ADCY7: variants seen among roughly 807,000 people sequenced by gnomAD.
ADCY7 encodes adenylate cyclase 7.
ADCY7 carries 72 observed loss-of-function variants against 120.6 expected under a neutral mutation model. That is an observed-to-expected ratio of 0.60 (90% CI 0.49 to 0.73). The LOEUF (loss-of-function observed/expected upper bound fraction) is 0.73, where lower values mean the gene tolerates loss of function less well. Ranked by LOEUF, ADCY7 falls within the 30% of genes least tolerant of loss-of-function variation. The probability of loss-of-function intolerance (pLI) is 0.00; values close to 1 mark genes in which losing one functional copy is unlikely to be tolerated. For synonymous variants in ADCY7, 661 were observed against 628.0 expected, an observed-to-expected ratio of 1.05 and a Z score of -0.78; for missense variants, 1,227 against 1,486.0, an observed-to-expected ratio of 0.83 and a Z score of 2.87.
At chr16:50,292,951 C>G (rs577331060) in intron 5 of ADCY7, 126 bp downstream of exon 5, 1 of 1,234,032 alleles carries the variant, frequency 8.1e-7, no homozygotes, top group Non-Finnish European at 1.1e-6. Flanking sequence ...GGTCTCACCT[C>G]GGTGAGTCCT....
chr16:50,249,344 G>T (rs1041822965), intron 1 of ADCY7, among the ~76,000 whole-genome samples: 9 of 152,140 alleles, frequency 5.9e-5, no homozygotes, highest in Non-Finnish European at 1.0e-4. Context: ...GGAGGCTGAG[G>T]CATGAGAATT....
rs959333290 is a variant in ADCY7, at chr16:50,313,234, T to C, written c.2751+198T>C. 5 of 572,818 alleles carry C rather than the reference T, an allele frequency of 8.7e-6. No homozygotes were observed. In the Admixed American group the frequency reaches 1.3e-4, roughly 15 times the overall value. The allele number at this position is 572,818 out of a possible 1,614,324, so 35.5% of individuals were successfully genotyped here. A position where few individuals can be genotyped will look rare whatever the true frequency, so the allele number is the denominator to read the frequency against. On this transcript the variant is annotated intron_variant, in intron 22 of 25. Transcript: ENST00000673801. Reference sequence around the variant, plus strand: ...GAGTTCGAGACCAGCCTGGCCAACATGGCGAAACCCTGTCTCTACTGAAAA... The same window carrying C: ...GAGTTCGAGACCAGCCTGGCCAACACGGCGAAACCCTGTCTCTACTGAAAA...
At chr16:50,280,388 A>AG (rs398039602) in intron 1 of ADCY7, among the ~76,000 whole-genome samples, 5 of 150,214 alleles carry the variant, frequency 3.3e-5, no homozygotes, top group Non-Finnish European at 7.4e-5. Flanking sequence ...AAAAAAAAAA[A>AG]CAACTCCTGG....
intron 1 of ADCY7, among the ~76,000 whole-genome samples, chr16:50,272,106 C>T (rs1384365570): frequency 6.6e-6 from 1 of 151,930 alleles, no homozygotes; most frequent in African/African-American, 2.4e-5. Context: ...TTCTTGCCTC[C>T]TCCCAGGGTA....
chr16:50,311,628 G>A lies in ADCY7; in HGVS notation c.2355-65G>A, dbSNP rs2036467699. 37 of 1,173,064 alleles carry A rather than the reference G, an allele frequency of 3.2e-5. No homozygotes were observed. In the South Asian group the frequency reaches 3.3e-4, roughly 10 times the overall value. The allele number at this position is 1,173,064 out of a possible 1,614,324, so 72.7% of individuals were successfully genotyped here. A position where few individuals can be genotyped will look rare whatever the true frequency, so the allele number is the denominator to read the frequency against. ...CCCCTGGGTGTGCGTGGCACCTGGA[G>A]AGCATGACTCAGTGGGTTGGAGTGG... is the stretch of plus-strand genomic sequence containing the variant. On this transcript the variant is annotated intron_variant, in intron 19 of 25. Transcript: ENST00000673801.
intron 12 of ADCY7, 145 bp from the exon 13 acceptor site, chr16:50,305,358 C>T: frequency 1.3e-6 from 1 of 764,514 alleles, no homozygotes; most frequent in Non-Finnish European, 2.2e-6. Context: ...CTCACTCGCC[C>T]TCTCTGGGCC....
At chr16:50,253,122 G>A (rs2032808844) in intron 1 of ADCY7, among the ~76,000 whole-genome samples, 1 of 152,208 alleles carries the variant, frequency 6.6e-6, no homozygotes, top group African/African-American at 2.4e-5. Context: ...TCTGTCCCCT[G>A]TTGCAGACAT....
intron 1 of ADCY7, chr16:50,279,818 T>G (rs1035414138): frequency 2.0e-5 from 3 of 152,194 alleles, no homozygotes; most frequent in Admixed American, 6.5e-5. Flanking sequence ...GGGTGCATTT[T>G]AAAGGGGAGA....
At chr16:50,299,595 G>A (rs953117293) in intron 8 of ADCY7, among the ~76,000 whole-genome samples, 6 of 152,242 alleles carry the variant, frequency 3.9e-5, no homozygotes, top group East Asian at 1.9e-4. Context: ...AGCAGGGCCC[G>A]GTGGGGCTGC....
At chr16:50,255,729 G>A (rs1226946487) in intron 1 of ADCY7, among the ~76,000 whole-genome samples, 1 of 152,110 alleles carries the variant, frequency 6.6e-6, no homozygotes, top group African/African-American at 2.4e-5. Flanking sequence ...TGAGCTCAAG[G>A]GCTCTGCCTG....
chr16:50,260,150 C>T (rs2033022523), intron 1 of ADCY7, among the ~76,000 whole-genome samples: 1 of 152,232 alleles, frequency 6.6e-6, no homozygotes, highest in Admixed American at 6.5e-5. Context: ...GGGACGCTCA[C>T]ACGGCTGGCT....
Position 50,314,405 on chromosome 16 carries a change from C to A in ADCY7, c.2970C>A (p.Val990=), listed in dbSNP as rs770274499. ...CCTTCAACTCCTTCCGCCTCCGCGT[C>A]GGTGAGCCCGGGTGATGGAGCGGGG... ...RHSFNSFRLR[V]GINHGPVIAG... is the part of the protein sequence containing the mutation. The change falls in exon 24 of 26, where the codon GTC becomes GTA. Residue 990 remains valine (V), a splice_region_variant and synonymous_variant. Transcript: ENST00000673801. The A allele has an allele frequency of 1.2e-6, 2 of 1,612,848 alleles. No homozygotes were observed. The highest frequency in any genetic ancestry group is 3.3e-5 in the Admixed American group (2 of 60,026).
At chr16:50,311,562 C>G in intron 19 of ADCY7, 131 bp from the exon 20 acceptor site, 117 of 509,630 alleles carry the variant, frequency 2.3e-4, no homozygotes, top group East Asian at 7.1e-4. Flanking sequence ...CCAAAGTTGT[C>G]TTGTTTTCTA....
chr16:50,247,539 A>ATTTTTT (rs5816683), intron 1 of ADCY7, among the ~76,000 whole-genome samples: 8 of 111,344 alleles, frequency 7.2e-5, no homozygotes, highest in Non-Finnish European at 1.2e-4. Context: ...TAATTTAGTA[A>ATTTTTT]TTTTTTTTTT....
At chr16:50,308,173 G>A (rs549502069) in intron 15 of ADCY7, among the ~76,000 whole-genome samples, 154 bp from the exon 16 acceptor site, 53 of 152,160 alleles carry the variant, frequency 3.5e-4, no homozygotes, top group Non-Finnish European at 7.2e-4. Flanking sequence ...ATTGCCCATG[G>A]GGCAGCTGGG....
chr16:50,314,545 A>G, intron 24 of ADCY7, 139 bp downstream of exon 24: 1 of 627,406 alleles, frequency 1.6e-6, no homozygotes, highest in South Asian at 1.9e-5. Context: ...CAGCAGTTGG[A>G]CAATTATTCT....
At position 50,294,928 on chromosome 16, in the gene ADCY7, C is replaced by T. The variant is rs559598988; in HGVS notation, c.948+177C>T. On this transcript the variant is annotated intron_variant, in intron 7 of 25. Transcript: ENST00000673801. ...TAAAGGTGGGGGTGAGTGGTGGCCA[C>T]GGCAGCCAGGATCCTGTGCCCCCAG... is the stretch of plus-strand genomic sequence containing the variant. Among the ~76,000 whole-genome samples, 96 of 152,256 alleles carry T rather than the reference C, an allele frequency of 6.3e-4. 1 individual carries two copies. In the South Asian group the frequency reaches 0.018, roughly 28 times the overall value.
chr16:50,290,160 C>A (rs1301622855), intron 2 of ADCY7, among the ~76,000 whole-genome samples: 1 of 152,248 alleles, frequency 6.6e-6, no homozygotes, highest in Non-Finnish European at 1.5e-5. Flanking sequence ...TGCGGCTGTG[C>A]ACAGAGCACC....
intron 1 of ADCY7, among the ~76,000 whole-genome samples, chr16:50,255,468 A>T (rs187867620): frequency 6.7e-6 from 1 of 148,318 alleles, no homozygotes; most frequent in African/African-American, 2.5e-5. Flanking sequence ...AAATGAACCC[A>T]TGAATATATT....
Sources: gnomAD v4.1 joint callset for allele counts (sites outside exome capture counted in the v4.1 genomes callset) on GRCh38, gnomAD v4.1.1 for gene constraint, MANE v1.5 for transcripts, NCBI Gene and HGNC (gene_info 2026-07-23, HGNC 2026-07-21) for gene names.